Variants in TIMD4 observed in about 807,000 individuals in gnomAD.
TIMD4 encodes T cell immunoglobulin and mucin domain containing 4.
Under a neutral mutation model 41.2 loss-of-function variants are expected in TIMD4, and 31 were observed. That is an observed-to-expected ratio of 0.75 (90% CI 0.57 to 1.01). TIMD4 has a LOEUF of 1.01. Among genes scored for constraint, TIMD4 ranks in the 50% least tolerant of loss-of-function variants. TIMD4 has a pLI of 0.00. For missense variants in TIMD4, 479 were observed against 472.5 expected (o/e 1.01, Z -0.13); for synonymous variants, 204 against 177.1 (o/e 1.15, Z -1.21).
chr5:156,927,846 A>AC (rs1421585766), intron 5 of TIMD4, among the ~76,000 whole-genome samples: 1 of 152,166 alleles, frequency 6.6e-6, no homozygotes, highest in East Asian at 1.9e-4. Context: ...TGATGAGTTC[A>AC]CATTTACAGT....
At chr5:156,936,519 G>A (rs1759542280) in intron 5 of TIMD4, among the ~76,000 whole-genome samples, 1 of 152,116 alleles carries the variant, frequency 6.6e-6, no homozygotes, top group Non-Finnish European at 1.5e-5. Flanking sequence ...TGCATAGTAG[G>A]AAGGGACAGA....
At chr5:156,951,415 C>T (rs780795265) in intron 3 of TIMD4, 97 bp downstream of exon 3, 49 of 1,415,834 alleles carry the variant, frequency 3.5e-5, no homozygotes, top group Non-Finnish European at 4.8e-5. Context: ...TGTGTACACG[C>T]ACACACTCAC....
intron 1 of TIMD4, among the ~76,000 whole-genome samples, chr5:156,957,979 T>C (rs1041119080): frequency 2.0e-5 from 3 of 152,100 alleles, no homozygotes; most frequent in African/African-American, 7.2e-5. Context: ...AATTGCTAAA[T>C]AAGAAAAGAT....
At chr5:156,945,195 C>T (rs1196638905) in intron 5 of TIMD4, among the ~76,000 whole-genome samples, 8 of 152,118 alleles carry the variant, frequency 5.3e-5, no homozygotes, top group African/African-American at 1.2e-4. Flanking sequence ...CAGAGTGGCA[C>T]GGTGTTAGAG....
At chr5:156,922,754 C>T (rs1301145398) in intron 6 of TIMD4, among the ~76,000 whole-genome samples, 1 of 150,040 alleles carries the variant, frequency 6.7e-6, no homozygotes, top group Non-Finnish European at 1.5e-5. Context: ...GATGTCATTG[C>T]TGTCACTTAC....
At chr5:156,924,535 C>A in intron 6 of TIMD4, 1 of 400,374 alleles carries the variant, frequency 2.5e-6, no homozygotes, top group South Asian at 2.1e-5. Context: ...GCATTTCTAC[C>A]CAGTTTCATA....
intron 2 of TIMD4, among the ~76,000 whole-genome samples, chr5:156,953,408 C>T (rs1759901320): frequency 6.6e-6 from 1 of 152,022 alleles, no homozygotes; most frequent in Non-Finnish European, 1.5e-5. Context: ...GTAATCCCAG[C>T]ACTTTGGGAG....
At chr5:156,961,138 AT>A (rs1307552743) in intron 1 of TIMD4, among the ~76,000 whole-genome samples, 1 of 152,252 alleles carries the variant, frequency 6.6e-6, no homozygotes, top group Non-Finnish European at 1.5e-5. Context: ...AATGTTTAAC[AT>A]TGCTAATCAC....
intron 5 of TIMD4, among the ~76,000 whole-genome samples, chr5:156,942,160 C>T (rs7717984): frequency 0.72 from 110,122 of 152,114 alleles, 40,429 homozygotes; most frequent in East Asian, 0.86. Flanking sequence ...GTGCATTCAA[C>T]TTGAATTTGT....
At chr5:156,932,234 C>T (rs1365859185) in intron 5 of TIMD4, among the ~76,000 whole-genome samples, 2 of 152,174 alleles carry the variant, frequency 1.3e-5, no homozygotes, top group African/African-American at 4.8e-5. Context: ...TCAAATGTGA[C>T]TTTTCAATGG....
In TIMD4 at chr5:156,954,655, A is replaced by G. The variant is rs750846321; in HGVS notation, c.160T>C (p.Trp54Arg). 1.6e-5 allele frequency: 26 copies of G among 1,614,230 alleles called. No homozygotes were observed. The highest frequency in any genetic ancestry group is 1.9e-5 in the Non-Finnish European group (23 of 1,180,048). Residue 54 changes from tryptophan (W) to arginine (R), a missense_variant, in exon 2 of 9, where the codon TGG becomes CGG. Physicochemically the swap from Trp to Arg is moderately radical, Grantham distance 101 (BLOSUM62 -3). Transcript: ENST00000274532. ...SWSHNSNSMC[W>R]GKDQCPYSGC... ...GAGTAGGGGCACTGGTCTTTCCCCCAGCACATGCTGTTGCTGTTGTGAGAC... is the reference window on the plus strand; with the variant it reads ...GAGTAGGGGCACTGGTCTTTCCCCCGGCACATGCTGTTGCTGTTGTGAGAC...
chr5:156,923,705 T>A (rs1243134045), intron 6 of TIMD4, among the ~76,000 whole-genome samples: 2 of 89,666 alleles, frequency 2.2e-5, no homozygotes, highest in East Asian at 5.1e-4. Context: ...TGCCTGGCTA[T>A]TTTTTTTTTT....
At chr5:156,928,913 C>T (rs1759397775) in intron 5 of TIMD4, among the ~76,000 whole-genome samples, 1 of 152,182 alleles carries the variant, frequency 6.6e-6, no homozygotes, top group African/African-American at 2.4e-5. Flanking sequence ...TTGAAACTAT[C>T]AAACAGAAAA....
intron 5 of TIMD4, among the ~76,000 whole-genome samples, chr5:156,942,499 A>G (rs931295950): frequency 1.3e-5 from 2 of 152,172 alleles, no homozygotes; most frequent in Non-Finnish European, 2.9e-5. Flanking sequence ...CAAGTTTAAA[A>G]TCCCTGAAAT....
intron 5 of TIMD4, among the ~76,000 whole-genome samples, chr5:156,934,079 A>G (rs1253578810): frequency 2.6e-5 from 4 of 152,220 alleles, no homozygotes; most frequent in African/African-American, 9.6e-5. Flanking sequence ...AAATGGCATT[A>G]CAATTTTAGA....
intron 5 of TIMD4, among the ~76,000 whole-genome samples, chr5:156,946,479 T>C (rs191503247): frequency 6.6e-6 from 1 of 152,068 alleles, no homozygotes; most frequent in Admixed American, 6.5e-5. Context: ...CTGAGCTTTT[T>C]TTTGTTTGTT....
Position 156,963,217 on chromosome 5 carries a change from C to G in TIMD4, c.-19G>C. 6.2e-7 allele frequency: 1 copy of G among 1,613,996 alleles called. No homozygotes were observed. ...TGGACATTTTGACGGTTGACCGGAC[C>G]CAGGAGTCTGTCTATCTATCCAAAG... On this transcript the variant is annotated 5_prime_UTR_variant, in exon 1 of 9. Coordinates refer to ENST00000274532, the MANE Select transcript of TIMD4 (RefSeq NM_138379.3).
intron 5 of TIMD4, among the ~76,000 whole-genome samples, chr5:156,930,133 T>C (rs58142701): frequency 0.033 from 4,995 of 152,116 alleles, 269 homozygotes; most frequent in African/African-American, 0.12. Flanking sequence ...ACCAATTTTT[T>C]GTATTTTTAG....
intron 7 of TIMD4, among the ~76,000 whole-genome samples, chr5:156,921,840 A>G: frequency 6.6e-6 from 1 of 152,134 alleles, no homozygotes; most frequent in East Asian, 1.9e-4. Context: ...ACTGGCACAG[A>G]AATGTCCAAT....
Sources: allele counts gnomAD v4.1 joint callset (sites outside exome capture counted in the v4.1 genomes callset), GRCh38; gene constraint gnomAD v4.1.1; transcripts MANE v1.5; gene names NCBI Gene and HGNC (gene_info 2026-07-23, HGNC 2026-07-21).